The following PRKACB variants were observed in gnomAD, a reference collection of about 807,000 sequenced individuals.
PRKACB encodes the protein cAMP-dependent protein kinase catalytic subunit beta.
Under a neutral mutation model 51.4 loss-of-function variants are expected in PRKACB, and 16 were observed. The ratio of observed to expected loss-of-function variants is 0.31; its 90% CI spans 0.21 to 0.47. The LOEUF is 0.47. Among genes scored for constraint, PRKACB ranks in the 20% least tolerant of loss-of-function variants. The pLI, the probability that PRKACB is intolerant of heterozygous loss-of-function variation, is 1.00. For missense variants in PRKACB, 309 were observed against 464.5 expected, an observed-to-expected ratio of 0.67 and a Z score of 3.08; for synonymous variants, 147 against 154.4, an observed-to-expected ratio of 0.95 and a Z score of 0.35.
chr1:84,220,910 G>A (rs1481973982), intron 9 of PRKACB, among the ~76,000 whole-genome samples: 2 of 151,854 alleles, frequency 1.3e-5, no homozygotes, highest in Non-Finnish European at 2.9e-5. Flanking sequence ...TTCTTTTTTT[G>A]TTGTGTGCTT....
intron 1 of PRKACB, among the ~76,000 whole-genome samples, chr1:84,089,459 C>T (rs1164073991): frequency 3.3e-5 from 5 of 152,100 alleles, no homozygotes; most frequent in East Asian, 1.9e-4. Context: ...ATGCTCCCAA[C>T]CTTTTGAAAA....
intron 8 of PRKACB, chr1:84,205,432 G>A (rs1364905693): frequency 4.2e-6 from 1 of 236,076 alleles, no homozygotes; most frequent in Non-Finnish European, 6.9e-6. Context: ...ATCCAATTTG[G>A]TCTTATATTT....
intron 5 of PRKACB, among the ~76,000 whole-genome samples, chr1:84,192,270 C>A (rs1264964713): frequency 6.6e-6 from 1 of 151,934 alleles, no homozygotes; most frequent in Non-Finnish European, 1.5e-5. Context: ...AGACAAAGAA[C>A]TGTTAACTGA....
chr1:84,153,621 C>T (rs920624846), intron 1 of PRKACB, among the ~76,000 whole-genome samples: 1 of 152,036 alleles, frequency 6.6e-6, no homozygotes, highest in African/African-American at 2.4e-5. Flanking sequence ...TCTACTTCTG[C>T]GATTTTGATG....
intron 1 of PRKACB, among the ~76,000 whole-genome samples, chr1:84,150,286 T>A (rs569858636): frequency 2.0e-5 from 3 of 152,000 alleles, no homozygotes; most frequent in South Asian, 4.2e-4. Context: ...TCAAAATAAA[T>A]TAAAATAAAA....
chr1:84,218,842 G>A (rs1389696009), intron 9 of PRKACB, among the ~76,000 whole-genome samples: 1 of 152,068 alleles, frequency 6.6e-6, no homozygotes, highest in Non-Finnish European at 1.5e-5. Flanking sequence ...TTCCACCTGG[G>A]TACGATGATA....
intron 1 of PRKACB, among the ~76,000 whole-genome samples, chr1:84,102,779 A>G (rs1290898098): frequency 6.6e-6 from 1 of 152,214 alleles, no homozygotes; most frequent in African/African-American, 2.4e-5. Flanking sequence ...GCAGCCAAGA[A>G]GCCAGAGAGT....
At chr1:84,113,795 G>A (rs998057823) in intron 1 of PRKACB, among the ~76,000 whole-genome samples, 1 of 152,142 alleles carries the variant, frequency 6.6e-6, no homozygotes, top group Non-Finnish European at 1.5e-5. Context: ...AGGCAAATCT[G>A]TAGATACAGA....
intron 8 of PRKACB, among the ~76,000 whole-genome samples, chr1:84,209,637 C>T (rs1211974397): frequency 3.9e-5 from 6 of 152,092 alleles, no homozygotes; most frequent in Non-Finnish European, 8.8e-5. Context: ...AAGGATTCCC[C>T]GTTTTCTTCA....
rs1390901593 is a variant in PRKACB at position 84,086,309 on chromosome 1, C to G, written c.46+7938C>G. ...CTTGGCCCTTCCTGCTGCCTCCCTCCTGTCTGGCCCCTGGGGCCCAGGCTC... is the reference window on the plus strand; with the variant it reads ...CTTGGCCCTTCCTGCTGCCTCCCTCGTGTCTGGCCCCTGGGGCCCAGGCTC... On this transcript the variant is annotated intron_variant, in intron 1 of 8. Coordinates refer to the PRKACB transcript ENST00000370688. 17 of 924,650 alleles carry G rather than the reference C, an allele frequency of 1.8e-5. No individual in the cohort carries two copies. In the East Asian group the frequency reaches 4.1e-4, roughly 23 times the overall value. 57.3% of individuals were successfully genotyped at this position (924,650 alleles called of 1,614,324 possible).
rs77855120 is a variant in PRKACB, at chr1:84,128,378, T to C, written c.46+50007T>C. Among the ~76,000 whole-genome samples, 571 of 152,302 alleles carry C rather than the reference T, an allele frequency of 3.7e-3. 3 individuals carry two copies. Among genetic ancestry groups the C allele is most frequent in the African/African-American group, 0.012 (511 of 41,562 alleles). ...TCTTGATTTCACTGGAATTGTTCAT[T>C]TGGGTCTATAGCATTCTGTCCAAAT... On this transcript the variant is annotated intron_variant, in intron 1 of 8. Transcript: ENST00000370688.
intron 1 of PRKACB, among the ~76,000 whole-genome samples, chr1:84,080,718 T>C (rs996593663): frequency 1.3e-5 from 2 of 152,200 alleles, no homozygotes; most frequent in Non-Finnish European, 2.9e-5. Context: ...AAATTTGTTT[T>C]TCAAAACTTT....
intron 1 of PRKACB, among the ~76,000 whole-genome samples, chr1:84,104,428 A>G (rs1247118341): frequency 6.6e-6 from 1 of 152,160 alleles, no homozygotes; most frequent in East Asian, 1.9e-4. Context: ...TATTGTGAAT[A>G]GTGCTGCAAT....
chr1:84,085,214 C>A (rs1013179139), intron 1 of PRKACB, among the ~76,000 whole-genome samples: 4 of 152,172 alleles, frequency 2.6e-5, no homozygotes, highest in African/African-American at 4.8e-5. Context: ...GTGGAAAGAA[C>A]ATGTAAAATA....
At chr1:84,078,509 G>A (rs1322856798) in intron 1 of PRKACB, 1 of 961,190 alleles carries the variant, frequency 1.0e-6, no homozygotes, top group East Asian at 2.7e-5. Flanking sequence ...TGGGGGGCCG[G>A]GAGACCAGCT....
intron 5 of PRKACB, among the ~76,000 whole-genome samples, chr1:84,190,554 C>G (rs926297395): frequency 4.0e-5 from 6 of 151,788 alleles, no homozygotes; most frequent in Non-Finnish European, 8.8e-5. Context: ...TTTATTAAAT[C>G]AGTAATATTA....
intron 9 of PRKACB, among the ~76,000 whole-genome samples, chr1:84,230,803 A>G (rs1675506496): frequency 6.7e-6 from 1 of 148,424 alleles, no homozygotes; most frequent in Non-Finnish European, 1.5e-5. Flanking sequence ...ACTTTGCTGA[A>G]GTTGCTTATC....
intron 1 of PRKACB, among the ~76,000 whole-genome samples, chr1:84,133,556 T>C (rs1435913164): frequency 6.6e-6 from 1 of 152,138 alleles, no homozygotes. Context: ...GGTGGGGGAA[T>C]TGGAGTGCTG....
At chr1:84,119,228 T>C (rs1416834463) in intron 1 of PRKACB, among the ~76,000 whole-genome samples, 3 of 152,148 alleles carry the variant, frequency 2.0e-5, no homozygotes, top group Non-Finnish European at 4.4e-5. Flanking sequence ...TCCATGACCA[T>C]GCTTGTCATC....
Sources: allele counts gnomAD v4.1 joint callset (sites outside exome capture counted in the v4.1 genomes callset), GRCh38; gene constraint gnomAD v4.1.1; transcripts MANE v1.5; gene names NCBI Gene and HGNC (gene_info 2026-07-23, HGNC 2026-07-21).